Variants in PAIP2 observed in about 807,000 individuals in gnomAD.
The protein encoded by PAIP2 is poly(A) binding protein interacting protein 2.
PAIP2 carries 7 observed loss-of-function variants against 14.8 expected under a neutral mutation model. The ratio of observed to expected loss-of-function variants is 0.47; its 90% CI spans 0.27 to 0.89. PAIP2 has a LOEUF of 0.89. Ranked by LOEUF, PAIP2 falls within the 40% of genes least tolerant of loss-of-function variation. PAIP2 has a pLI of 0.13. For missense variants in PAIP2, 122 were observed against 154.7 expected (o/e 0.79, Z 1.12); for synonymous variants, 47 against 45.3 (o/e 1.04, Z -0.15).
At chr5:139,346,148 T>C (rs543859958) in intron 1 of PAIP2, among the ~76,000 whole-genome samples, 12 of 152,234 alleles carry the variant, frequency 7.9e-5, no homozygotes, top group Non-Finnish European at 1.5e-4. Context: ...CAGGCAGTAG[T>C]ACTGGGAAAA....
intron 1 of PAIP2, among the ~76,000 whole-genome samples, chr5:139,351,328 G>A (rs1253428685): frequency 1.1e-4 from 17 of 151,090 alleles, no homozygotes; most frequent in Non-Finnish European, 1.9e-4. Flanking sequence ...AAAAAAAAAA[G>A]AGTGATCATA....
intron 1 of PAIP2, among the ~76,000 whole-genome samples, chr5:139,358,456 A>AT (rs1381300785): frequency 6.6e-6 from 1 of 152,060 alleles, no homozygotes; most frequent in Admixed American, 6.6e-5. Flanking sequence ...TTTTTTACTC[A>AT]TTTTTTCTAT....
chr5:139,363,987 C>G, intron 2 of PAIP2, 65 bp downstream of exon 2: 1 of 1,387,068 alleles, frequency 7.2e-7, no homozygotes, highest in Middle Eastern at 1.9e-4. Flanking sequence ...TGTACTTGTC[C>G]CTGAAATGTG....
chr5:139,365,141 TTAAATAAATAAATAAATAAATAAATAAA>T (rs61568007), intron 3 of PAIP2: 1 of 141,624 alleles, frequency 7.1e-6, no homozygotes, highest in Non-Finnish European at 1.5e-5. Context: ...TGAAACTCTA[TTAAATAAATAAATAAATAAATAAATAAA>T]TAAATAAATA....
rs779526850 is a variant in PAIP2 at position 139,364,626 on chromosome 5, GGAA to G, written c.207_209del (p.Glu70del). 1 of 1,611,432 alleles carries G rather than the reference GGAA, an allele frequency of 6.2e-7. No individual in the cohort carries two copies. The highest frequency in any genetic ancestry group is 8.5e-7 in the Non-Finnish European group (1 of 1,177,718). ...GCTGTTTCCAAGAAATGCTGGAAGA[GGAA>G]GAAGAGCATGAATGGTTTATTCCAG... On this transcript the variant is annotated inframe_deletion, in exon 3 of 4. Transcript: ENST00000265192.
intron 1 of PAIP2, among the ~76,000 whole-genome samples, chr5:139,349,577 T>C (rs1756663671): frequency 6.6e-6 from 1 of 151,986 alleles, no homozygotes; most frequent in South Asian, 2.1e-4. Flanking sequence ...GATAGGAAAA[T>C]AGTTAAAGTT....
intron 3 of PAIP2, among the ~76,000 whole-genome samples, chr5:139,368,523 C>T (rs569427902): frequency 2.0e-5 from 3 of 151,922 alleles, no homozygotes; most frequent in Non-Finnish European, 2.9e-5. Context: ...AGCAAGACTC[C>T]GTCACAAAAA....
chr5:139,365,635 C>T (rs1033558000), intron 3 of PAIP2, among the ~76,000 whole-genome samples: 4 of 150,736 alleles, frequency 2.7e-5, no homozygotes, highest in Non-Finnish European at 5.9e-5. Context: ...CACTGCACTC[C>T]AGCGTGGGTG....
At chr5:139,362,272 G>A (rs1757086611) in intron 1 of PAIP2, among the ~76,000 whole-genome samples, 1 of 152,002 alleles carries the variant, frequency 6.6e-6, no homozygotes. Flanking sequence ...CTAGGCTGGA[G>A]TGCAGTGGTG....
intron 3 of PAIP2, among the ~76,000 whole-genome samples, chr5:139,366,304 C>T (rs1405624915): frequency 1.3e-5 from 2 of 151,724 alleles, no homozygotes; most frequent in Non-Finnish European, 2.9e-5. Context: ...AATCTGTACA[C>T]CATGATTACC....
intron 1 of PAIP2, among the ~76,000 whole-genome samples, chr5:139,350,810 G>A (rs1304721835): frequency 6.6e-6 from 1 of 151,854 alleles, no homozygotes; most frequent in Non-Finnish European, 1.5e-5. Flanking sequence ...TTTTGATATT[G>A]GTATAGAAAT....
At chr5:139,356,611 G>T (rs1035651723) in intron 1 of PAIP2, among the ~76,000 whole-genome samples, 1 of 152,090 alleles carries the variant, frequency 6.6e-6, no homozygotes, top group African/African-American at 2.4e-5. Flanking sequence ...TGGGCACGGT[G>T]ACTTACGCCT....
rs188611108 is a variant in PAIP2, at chr5:139,351,392, G to A, written c.-27+9412G>A. Among the ~76,000 whole-genome samples the A allele has an allele frequency of 2.7e-3, 408 of 152,202 alleles. 4 individuals carry two copies. Among genetic ancestry groups the A allele is most frequent in the Middle Eastern group, 0.017 (5 of 294 alleles). Reference sequence around the variant, plus strand: ...GGAACATAAATGTACATCAGAAGGGGGTGGTTGAATAAGTGGTGTTGTATC... The same window carrying A: ...GGAACATAAATGTACATCAGAAGGGAGTGGTTGAATAAGTGGTGTTGTATC... On this transcript the variant is annotated intron_variant, in intron 1 of 3. Coordinates refer to ENST00000265192, the MANE Select transcript of PAIP2 (RefSeq NM_016480.5).
chr5:139,364,237 A>G (rs765453229), intron 2 of PAIP2, among the ~76,000 whole-genome samples: 5 of 152,304 alleles, frequency 3.3e-5, no homozygotes, highest in East Asian at 3.9e-4. Context: ...TTATGCCAGT[A>G]AGATTGCTGG....
chr5:139,358,911 G>A (rs1312212268), intron 1 of PAIP2, among the ~76,000 whole-genome samples: 1 of 152,144 alleles, frequency 6.6e-6, no homozygotes. Context: ...CTTTTGGGGT[G>A]GTGAAAATGT....
At chr5:139,362,797 C>T (rs1267732797) in intron 1 of PAIP2, among the ~76,000 whole-genome samples, 1 of 152,062 alleles carries the variant, frequency 6.6e-6, no homozygotes, top group Non-Finnish European at 1.5e-5. Context: ...GCCCCCGCCT[C>T]CCAAAGTGCC....
At chr5:139,346,515 C>T (rs538184894) in intron 1 of PAIP2, among the ~76,000 whole-genome samples, 17 of 150,740 alleles carry the variant, frequency 1.1e-4, no homozygotes, top group Admixed American at 4.6e-4. Flanking sequence ...GGATTACAGG[C>T]GTGAGCCACC....
intron 1 of PAIP2, among the ~76,000 whole-genome samples, chr5:139,343,606 G>A (rs1270287096): frequency 6.6e-6 from 1 of 151,904 alleles, no homozygotes; most frequent in Non-Finnish European, 1.5e-5. Context: ...CAAGACCTCT[G>A]CCCCCTTGTA....
At chr5:139,358,790 A>C (rs1756989441) in intron 1 of PAIP2, among the ~76,000 whole-genome samples, 1 of 152,242 alleles carries the variant, frequency 6.6e-6, no homozygotes. Flanking sequence ...GATTCCATTT[A>C]TATGCAATGT....
Sources: allele counts gnomAD v4.1 joint callset (sites outside exome capture counted in the v4.1 genomes callset), GRCh38; gene constraint gnomAD v4.1.1; transcripts MANE v1.5; gene names NCBI Gene and HGNC (gene_info 2026-07-23, HGNC 2026-07-21).